Variants in AKAP6 observed in about 807,000 individuals in gnomAD.
The protein encoded by AKAP6 is A-kinase anchor protein 6.
A neutral mutation model predicts 188.5 loss-of-function variants in AKAP6; 58 were observed. The ratio of observed to expected loss-of-function variants is 0.31; its 90% CI spans 0.25 to 0.38. The LOEUF (loss-of-function observed/expected upper bound fraction) is 0.38. AKAP6 is among the 10% of genes least tolerant of loss of function. The pLI is 1.00. For synonymous variants in AKAP6, 989 were observed against 998.6 expected, an observed-to-expected ratio of 0.99 and a Z score of 0.18; for missense variants, 2,710 against 2,740.0, an observed-to-expected ratio of 0.99 and a Z score of 0.24.
chr14:32,515,541 A>G lies in AKAP6; in HGVS notation c.325-20013A>G, dbSNP rs139101086. Among the ~76,000 whole-genome samples, 74 of 152,252 alleles carry G rather than the reference A, an allele frequency of 4.9e-4. 1 individual carries two copies. Among genetic ancestry groups the G allele is most frequent in the African/African-American group, 1.6e-3 (68 of 41,552 alleles). On this transcript the variant is annotated intron_variant, in intron 2 of 13. Coordinates refer to ENST00000280979, the MANE Select transcript of AKAP6 (RefSeq NM_004274.5). ...GGCTGTCTTATGGGTGGAGTACACA[A>G]AATAAAAGAGAAAGAAAACAAAAGA...
chr14:32,755,016 T>G (rs1000384117), intron 11 of AKAP6, among the ~76,000 whole-genome samples: 1 of 152,220 alleles, frequency 6.6e-6, no homozygotes, highest in African/African-American at 2.4e-5. Context: ...TCTTTGAGAT[T>G]CTTAGATCTG....
intron 1 of AKAP6, among the ~76,000 whole-genome samples, chr14:32,333,982 A>G (rs917349905): frequency 1.3e-5 from 2 of 152,174 alleles, no homozygotes; most frequent in African/African-American, 4.8e-5. Context: ...AAGGACAGGT[A>G]TACCAGTTAC....
At chr14:32,390,635 G>C (rs1485689673) in intron 1 of AKAP6, among the ~76,000 whole-genome samples, 1 of 152,114 alleles carries the variant, frequency 6.6e-6, no homozygotes, top group Non-Finnish European at 1.5e-5. Context: ...GATCTAGCCA[G>C]CCAGCAAGTC....
At chr14:32,791,035 T>TG (rs2033592941) in intron 12 of AKAP6, among the ~76,000 whole-genome samples, 2 of 152,212 alleles carry the variant, frequency 1.3e-5, no homozygotes, top group African/African-American at 4.8e-5. Flanking sequence ...GCATTTGGAT[T>TG]GGTTCCAAGT....
intron 1 of AKAP6, chr14:32,418,046 A>C (rs1293155255): frequency 6.6e-6 from 1 of 152,154 alleles, no homozygotes; most frequent in Non-Finnish European, 1.5e-5. Flanking sequence ...GACAAGCAGA[A>C]TTTGTCTGAG....
intron 1 of AKAP6, among the ~76,000 whole-genome samples, chr14:32,333,624 T>G (rs1321196280): frequency 6.6e-6 from 1 of 152,198 alleles, no homozygotes; most frequent in Admixed American, 6.6e-5. Flanking sequence ...GGAGGTAAAC[T>G]TACTGCATTA....
intron 7 of AKAP6, among the ~76,000 whole-genome samples, chr14:32,636,561 C>A (rs570094042): frequency 6.6e-6 from 1 of 151,958 alleles, no homozygotes; most frequent in African/African-American, 2.4e-5. Context: ...TGACATATAG[C>A]TCTGTGCTGT....
intron 4 of AKAP6, among the ~76,000 whole-genome samples, chr14:32,548,093 CTTTTTTT>C (rs71115082): frequency 2.0e-4 from 21 of 104,236 alleles, no homozygotes; most frequent in Non-Finnish European, 3.7e-4. Flanking sequence ...CTCCCACATG[CTTTTTTT>C]TTTTTTTTTT....
intron 2 of AKAP6, among the ~76,000 whole-genome samples, chr14:32,474,938 C>A (rs1200454991): frequency 6.6e-6 from 1 of 152,136 alleles, no homozygotes; most frequent in Non-Finnish European, 1.5e-5. Flanking sequence ...ATGTTCACTT[C>A]CACAGCTGTA....
intron 8 of AKAP6, among the ~76,000 whole-genome samples, chr14:32,688,258 G>A (rs191807314): frequency 4.9e-4 from 74 of 151,966 alleles, no homozygotes; most frequent in African/African-American, 1.2e-3. Context: ...TTGCCGACAC[G>A]GACAATGAGA....
At chr14:32,817,487 GTGTT>G (rs1362445750) in intron 12 of AKAP6, among the ~76,000 whole-genome samples, 27 of 112,994 alleles carry the variant, frequency 2.4e-4, no homozygotes, top group African/African-American at 1.0e-3. Context: ...GTGTGTGTCT[GTGTT>G]TGTGTGTGTG....
intron 12 of AKAP6, among the ~76,000 whole-genome samples, chr14:32,784,098 G>A (rs2033332577): frequency 6.6e-6 from 1 of 152,140 alleles, no homozygotes; most frequent in Admixed American, 6.5e-5. Context: ...GCTATGAAAA[G>A]CAATAATTTC....
At chr14:32,658,614 G>A (rs570067333) in intron 7 of AKAP6, among the ~76,000 whole-genome samples, 16 of 151,692 alleles carry the variant, frequency 1.1e-4, no homozygotes, top group African/African-American at 3.9e-4. Flanking sequence ...GAAGCAATGG[G>A]TTCAATTTTC....
chr14:32,410,076 C>T (rs1889431527), intron 1 of AKAP6, among the ~76,000 whole-genome samples: 1 of 152,098 alleles, frequency 6.6e-6, no homozygotes, highest in Admixed American at 6.5e-5. Context: ...ATTTCCTTGT[C>T]ATATCTTGAA....
At chr14:32,433,107 A>C (rs1216038116) in intron 1 of AKAP6, 2 of 195,686 alleles carry the variant, frequency 1.0e-5, no homozygotes, top group African/African-American at 4.7e-5. Context: ...CATTGGCCAG[A>C]ACATGGCCAC....
intron 4 of AKAP6, among the ~76,000 whole-genome samples, chr14:32,574,889 C>T (rs953772073): frequency 2.3e-4 from 35 of 152,210 alleles, no homozygotes; most frequent in African/African-American, 6.5e-4. Flanking sequence ...TAAGTTTTCA[C>T]GAAAATTTTA....
chr14:32,404,711 T>TATATATATA (rs1555325855), intron 1 of AKAP6, among the ~76,000 whole-genome samples: 7 of 128,480 alleles, frequency 5.4e-5, no homozygotes, highest in Admixed American at 1.6e-4. Context: ...TATATATATA[T>TATATATATA]TAGTCAGAAT....
At chr14:32,453,021 C>T (rs763042634) in intron 2 of AKAP6, among the ~76,000 whole-genome samples, 11 of 152,144 alleles carry the variant, frequency 7.2e-5, no homozygotes, top group South Asian at 2.1e-4. Context: ...TAGTTTAACA[C>T]TCAAAATAAG....
intron 1 of AKAP6, among the ~76,000 whole-genome samples, chr14:32,349,127 A>C (rs888489423): frequency 2.6e-5 from 4 of 152,226 alleles, no homozygotes; most frequent in African/African-American, 9.6e-5. Context: ...GATTTGTTTA[A>C]AGGGGCATTT....
Sources: gnomAD v4.1 joint callset for allele counts (sites outside exome capture counted in the v4.1 genomes callset) on GRCh38, gnomAD v4.1.1 for gene constraint, MANE v1.5 for transcripts, NCBI Gene and HGNC (gene_info 2026-07-23, HGNC 2026-07-21) for gene names.